Variants in MEGF11 observed in about 807,000 individuals in gnomAD.
MEGF11 encodes multiple EGF like domains 11, also known as multiple epidermal growth factor-like domains protein 11.
Under a neutral mutation model 146.6 loss-of-function variants are expected in MEGF11, and 126 were observed. That is an observed-to-expected ratio of 0.86 (90% CI 0.74 to 1.00). The LOEUF is 1.00. MEGF11 is among the 50% of genes least tolerant of loss of function. The pLI, the probability that MEGF11 is intolerant of heterozygous loss-of-function variation, is 0.00. For missense variants in MEGF11, 1,509 were observed against 1,521.2 expected, an observed-to-expected ratio of 0.99 and a Z score of 0.13; for synonymous variants, 532 against 583.4, an observed-to-expected ratio of 0.91 and a Z score of 1.27.
At chr15:65,946,867 C>G (rs1051695343) in intron 10 of MEGF11, among the ~76,000 whole-genome samples, 5 of 152,168 alleles carry the variant, frequency 3.3e-5, no homozygotes, top group South Asian at 2.1e-4. Flanking sequence ...TGCTCCCACT[C>G]TTTTCCTTCC....
chr15:66,176,637 G>A (rs985955548), intron 1 of MEGF11, among the ~76,000 whole-genome samples: 2 of 152,308 alleles, frequency 1.3e-5, no homozygotes, highest in Non-Finnish European at 2.9e-5. Flanking sequence ...TCACTGCAGA[G>A]GACCCTTTGG....
At chr15:66,196,258 G>T (rs1276397326) in intron 1 of MEGF11, among the ~76,000 whole-genome samples, 1 of 152,096 alleles carries the variant, frequency 6.6e-6, no homozygotes, top group Non-Finnish European at 1.5e-5. Flanking sequence ...AATCACCTGA[G>T]GTCAGGAGTT....
intron 1 of MEGF11, among the ~76,000 whole-genome samples, chr15:66,175,757 C>T (rs928724437): frequency 2.0e-5 from 3 of 152,072 alleles, no homozygotes; most frequent in Admixed American, 6.6e-5. Context: ...GCATATTGAT[C>T]TAGGTGAAGA....
intron 5 of MEGF11, among the ~76,000 whole-genome samples, chr15:66,020,512 G>T (rs1377801241): frequency 6.6e-6 from 1 of 152,198 alleles, no homozygotes; most frequent in Admixed American, 6.5e-5. Context: ...CTTAGGTTGG[G>T]TTTCTGTCTT....
chr15:66,166,003 A>T (rs1348787360), intron 1 of MEGF11, among the ~76,000 whole-genome samples: 1 of 152,056 alleles, frequency 6.6e-6, no homozygotes, highest in Admixed American at 6.5e-5. Context: ...AGCTATACAC[A>T]TATCCCCCAC....
intron 1 of MEGF11, among the ~76,000 whole-genome samples, chr15:66,191,246 C>G (rs913016801): frequency 6.6e-6 from 1 of 152,184 alleles, no homozygotes; most frequent in African/African-American, 2.4e-5. Context: ...TGAGCTCGGG[C>G]TGGAGGGAGG....
intron 21 of MEGF11, 174 bp from the exon 22 acceptor site, chr15:65,909,980 G>A (rs1187395008): frequency 5.7e-6 from 4 of 701,712 alleles, no homozygotes; most frequent in Non-Finnish European, 1.0e-5. Context: ...CCATGGTGTG[G>A]TTGATGCTAG....
At chr15:66,235,105 T>C (rs1392390459) in intron 1 of MEGF11, among the ~76,000 whole-genome samples, 1 of 152,248 alleles carries the variant, frequency 6.6e-6, no homozygotes, top group Non-Finnish European at 1.5e-5. Context: ...TTTTTGAAGA[T>C]CTTCCTCTGC....
At chr15:66,208,611 G>A (rs1299332947) in intron 1 of MEGF11, among the ~76,000 whole-genome samples, 1 of 152,122 alleles carries the variant, frequency 6.6e-6, no homozygotes. Flanking sequence ...GCTGGGAGTG[G>A]CAGCTCATGC....
intron 10 of MEGF11, among the ~76,000 whole-genome samples, chr15:65,946,367 C>T (rs1044870179): frequency 6.6e-6 from 1 of 152,194 alleles, no homozygotes; most frequent in East Asian, 1.9e-4. Context: ...TCTCCCCACT[C>T]TGCCAAGCAG....
chr15:66,052,742 A>G (rs1046062981), intron 5 of MEGF11, among the ~76,000 whole-genome samples: 3 of 152,174 alleles, frequency 2.0e-5, no homozygotes, highest in Non-Finnish European at 2.9e-5. Flanking sequence ...GGCTTCTAGG[A>G]ACCTTCTGAG....
chr15:65,968,855 G>A (rs1377614574), intron 8 of MEGF11, among the ~76,000 whole-genome samples: 3 of 152,138 alleles, frequency 2.0e-5, no homozygotes, highest in African/African-American at 7.2e-5. Context: ...CTGCCTATCC[G>A]GGGAGGCCTG....
intron 5 of MEGF11, among the ~76,000 whole-genome samples, chr15:66,042,344 A>C (rs1258260493): frequency 6.6e-6 from 1 of 152,092 alleles, no homozygotes; most frequent in Non-Finnish European, 1.5e-5. Context: ...TCCTGGCCTC[A>C]AGTGATCTGC....
chr15:65,922,642 T>C (rs2079214525), intron 14 of MEGF11, among the ~76,000 whole-genome samples, 170 bp from the exon 15 acceptor site: 1 of 152,108 alleles, frequency 6.6e-6, no homozygotes, highest in Non-Finnish European at 1.5e-5. Context: ...CTGTTTCCAT[T>C]GAGTAGCTGG....
At chr15:66,103,875 G>A (rs978149772) in intron 4 of MEGF11, among the ~76,000 whole-genome samples, 1 of 152,206 alleles carries the variant, frequency 6.6e-6, no homozygotes, top group African/African-American at 2.4e-5. Context: ...CCAGCCAGAC[G>A]TAGGGGCCCA....
intron 8 of MEGF11, among the ~76,000 whole-genome samples, chr15:65,965,606 T>TC (rs1567180096): frequency 0.049 from 4,331 of 88,336 alleles, 462 homozygotes; most frequent in Middle Eastern, 0.11. Flanking sequence ...CTTTCTTTTT[T>TC]TTTTTTCTTT....
chr15:66,055,190 C>T (rs1204833840), intron 5 of MEGF11, among the ~76,000 whole-genome samples: 1 of 152,192 alleles, frequency 6.6e-6, no homozygotes, highest in Non-Finnish European at 1.5e-5. Context: ...CGGTTTAGCT[C>T]TGATAAGGCT....
intron 1 of MEGF11, among the ~76,000 whole-genome samples, chr15:66,197,863 A>AC (rs776318428): frequency 6.6e-6 from 1 of 151,866 alleles, no homozygotes; most frequent in South Asian, 2.1e-4. Flanking sequence ...CTCCTGAGCC[A>AC]CCCCCCGCCT....
At chr15:65,964,589 G>T (rs2080990330) in intron 9 of MEGF11, among the ~76,000 whole-genome samples, 1 of 152,182 alleles carries the variant, frequency 6.6e-6, no homozygotes, top group Admixed American at 6.5e-5. Flanking sequence ...GGGTCATGCA[G>T]CTGTGCTCCA....
Sources: gnomAD v4.1 joint callset for allele counts (sites outside exome capture counted in the v4.1 genomes callset) on GRCh38, gnomAD v4.1.1 for gene constraint, MANE v1.5 for transcripts, NCBI Gene and HGNC (gene_info 2026-07-23, HGNC 2026-07-21) for gene names.